The following TP53I13 variants were observed in gnomAD, a reference collection of about 807,000 sequenced individuals.
The protein encoded by TP53I13 is tumor protein p53 inducible protein 13.
TP53I13 carries 27 observed loss-of-function variants against 39.1 expected under a neutral mutation model. The observed-to-expected ratio is 0.69, with a 90% CI of 0.51 to 0.95. The LOEUF is 0.95. Ranked by LOEUF, TP53I13 falls within the 40% of genes least tolerant of loss-of-function variation. TP53I13 has a pLI of 0.00. For missense variants in TP53I13, 544 were observed against 520.4 expected, an observed-to-expected ratio of 1.05 and a Z score of -0.44; for synonymous variants, 230 against 224.6, an observed-to-expected ratio of 1.02 and a Z score of -0.22.
At chr17:29,570,195 C>T (rs904948847) in intron 3 of TP53I13, among the ~76,000 whole-genome samples, 1 of 138,718 alleles carries the variant, frequency 7.2e-6, no homozygotes, top group Non-Finnish European at 1.6e-5. Flanking sequence ...TGTGAGCCAC[C>T]ATGCCTGGCC....
chr17:29,566,592 C>G (rs1263501327), upstream of TP53I13: 5 of 1,608,062 alleles, frequency 3.1e-6, no homozygotes, highest in African/African-American at 5.3e-5. Context: ...ACTGCAGGTA[C>G]TCCCGGGCCA....
Position 29,568,870 on chromosome 17 carries a change from C to G in TP53I13, c.72+40C>G, listed in dbSNP as rs749466298. On this transcript the variant is annotated intron_variant, in intron 1 of 6. Coordinates refer to ENST00000301057, the MANE Select transcript of TP53I13 (RefSeq NM_138349.4). The surrounding 1 kb of genome is among the most constrained non-coding windows in gnomAD (Gnocchi z 4.5). The stretch of plus-strand genomic sequence containing the variant: ...TCCTGGGAAGGCCTCGGCCCGCGAG[C>G]TCAAAGCGCTTTGCCAAAAGTTCGT... 2 of 1,599,236 alleles carry G rather than the reference C, an allele frequency of 1.3e-6. No homozygotes were observed. The highest frequency in any genetic ancestry group is 3.3e-5 in the Admixed American group (2 of 59,828).
chr17:29,573,327 A>G (rs979531882), downstream of TP53I13: 1 of 173,394 alleles, frequency 5.8e-6, no homozygotes, highest in Non-Finnish European at 1.2e-5. Flanking sequence ...CATACATGTT[A>G]GCTTTGTTAT....
downstream of TP53I13, chr17:29,575,114 A>G (rs368719934): frequency 3.1e-6 from 5 of 1,601,398 alleles, no homozygotes; most frequent in African/African-American, 4.0e-5. This position sits in a 1 kb window ranked among gnomAD's most constrained non-coding sequence, Gnocchi z 5.5. Flanking sequence ...GTCACAGCCA[A>G]ATGGATCTTC....
At chr17:29,566,950 G>A (rs968674973), upstream of TP53I13, 9 of 1,390,426 alleles carry the variant, frequency 6.5e-6, no homozygotes, top group Non-Finnish European at 7.4e-6. Flanking sequence ...CGCGAGGGCG[G>A]CGCCCCACGG....
chr17:29,581,213 C>T, the TP53I13 span: 2 of 743,058 alleles, frequency 2.7e-6, no homozygotes, highest in East Asian at 2.6e-5. The surrounding 1 kb of genome is among the most constrained non-coding windows in gnomAD (Gnocchi z 4.8). Context: ...CTAAGCTGTG[C>T]CTCTAGTCTC....
chr17:29,576,362 T>C (rs1205454688), downstream of TP53I13: 1 of 1,613,468 alleles, frequency 6.2e-7, no homozygotes, highest in East Asian at 2.2e-5. Context: ...CATGGGTGTG[T>C]GTTCCGCCCG....
chr17:29,570,628 T>C (rs1314441057), intron 3 of TP53I13: 1 of 152,252 alleles, frequency 6.6e-6, no homozygotes, highest in Non-Finnish European at 1.5e-5. Flanking sequence ...AAACTGTCAA[T>C]GGCTCCTTAT....
downstream of TP53I13, chr17:29,576,567 C>T (rs1382999653): frequency 6.2e-7 from 1 of 1,613,926 alleles, no homozygotes; most frequent in Non-Finnish European, 8.5e-7. Flanking sequence ...TACTGTTGAC[C>T]TTCATGAGCT....
At chr17:29,566,890 C>A (rs1371885510), upstream of TP53I13, 9 of 1,493,892 alleles carry the variant, frequency 6.0e-6, no homozygotes, top group African/African-American at 1.3e-4. Context: ...CCAGGGTCCC[C>A]GGAGCCGCGG....
downstream of TP53I13, chr17:29,575,734 C>CT: frequency 6.2e-7 from 1 of 1,611,516 alleles, no homozygotes. The surrounding 1 kb of genome is among the most constrained non-coding windows in gnomAD (Gnocchi z 5.5). Flanking sequence ...GCTGTGAGCG[C>CT]CGTGTTCCTG....
chr17:29,569,446 C>G (rs528323234), intron 3 of TP53I13, 87 bp downstream of exon 3: 4 of 1,338,286 alleles, frequency 3.0e-6, no homozygotes, highest in South Asian at 1.2e-5. Context: ...TTCTGCTGAT[C>G]GGCCCCATTC....
downstream of TP53I13, chr17:29,576,474 C>T (rs934188748): frequency 9.3e-6 from 15 of 1,612,982 alleles, no homozygotes; most frequent in Admixed American, 3.3e-5. Flanking sequence ...GTGCTGTCAA[C>T]CCCCTGGAGT....
At chr17:29,579,819 T>C in the TP53I13 span, among the ~76,000 whole-genome samples, 1 of 151,948 alleles carries the variant, frequency 6.6e-6, no homozygotes, top group Non-Finnish European at 1.5e-5. Flanking sequence ...CCAGGAGAGA[T>C]AACCAAGGCT....
chr17:29,570,819 C>G (rs1166869643), intron 3 of TP53I13: 1 of 152,322 alleles, frequency 6.6e-6, no homozygotes, highest in Non-Finnish European at 1.5e-5. Context: ...CTCCTCCACA[C>G]CTGGCCTATC....
intron 3 of TP53I13, 70 bp from the exon 4 acceptor site, chr17:29,571,521 G>T: frequency 6.3e-7 from 1 of 1,598,082 alleles, no homozygotes; most frequent in South Asian, 1.1e-5. Context: ...CTGGTCCCCT[G>T]GATGGGAGAA....
At chr17:29,582,129 C>T in the TP53I13 span, 5 of 1,579,996 alleles carry the variant, frequency 3.2e-6, no homozygotes, top group East Asian at 2.3e-5. Flanking sequence ...CCTGTCCGCA[C>T]GCTCGAGTGT....
At position 29,572,966 on chromosome 17, in the gene TP53I13, G is replaced by A; in HGVS notation, c.*42G>A. 7.4e-7 allele frequency: 1 copy of A among 1,350,056 alleles called. No homozygotes were observed. Among genetic ancestry groups the A allele is most frequent in the Non-Finnish European group, 9.5e-7 (1 of 1,052,352 alleles). 83.6% of individuals were successfully genotyped at this position (1,350,056 alleles called of 1,614,324 possible). A position where few individuals can be genotyped will look rare whatever the true frequency, so the allele number is the denominator to read the frequency against. Reference sequence around the variant, plus strand: ...ACTGTGGCGTGCGGCTCCTCCCCGCGCCGCGAGGCCGCGACCTCTGCCACG... The same window carrying A: ...ACTGTGGCGTGCGGCTCCTCCCCGCACCGCGAGGCCGCGACCTCTGCCACG... On this transcript the variant is annotated 3_prime_UTR_variant, in exon 7 of 7. Coordinates refer to ENST00000301057, the MANE Select transcript of TP53I13 (RefSeq NM_138349.4).
rs1399401901 is a variant in TP53I13 at position 29,572,977 on chromosome 17, G to T, written c.*53G>T. ...CGGCTCCTCCCCGCGCCGCGAGGCC[G>T]CGACCTCTGCCACGTGGACCGCGCG... On this transcript the variant is annotated 3_prime_UTR_variant, in exon 7 of 7. Transcript: ENST00000301057. 5.4e-5 allele frequency: 72 copies of T among 1,330,872 alleles called. No homozygotes were observed. Among genetic ancestry groups the T allele is most frequent in the Non-Finnish European group, 1.3e-5 (13 of 1,037,318 alleles). The allele number at this position is 1,330,872 out of a possible 1,614,324, so 82.4% of individuals were successfully genotyped here. A position where few individuals can be genotyped will look rare whatever the true frequency, so the allele number is the denominator to read the frequency against.
Sources: gnomAD v4.1 joint callset for allele counts (sites outside exome capture counted in the v4.1 genomes callset) on GRCh38, gnomAD v4.1.1 for gene constraint, Gnocchi (gnomAD v3.1) non-coding constraint, MANE v1.5 for transcripts, NCBI Gene and HGNC (gene_info 2026-07-23, HGNC 2026-07-21) for gene names.